SLC39A11: variants seen among roughly 807,000 people sequenced by gnomAD.
The protein encoded by SLC39A11 is solute carrier family 39 member 11, also known as zinc transporter ZIP11.
SLC39A11 carries 33 observed loss-of-function variants against 36.1 expected under a neutral mutation model. That is an observed-to-expected ratio of 0.91 (90% CI 0.69 to 1.22). The LOEUF (loss-of-function observed/expected upper bound fraction) is 1.22. Among genes scored for constraint, SLC39A11 ranks in the 50% most tolerant of loss-of-function variants. SLC39A11 has a pLI of 0.00. For missense variants in SLC39A11, 432 were observed against 430.3 expected, an observed-to-expected ratio of 1.00 and a Z score of -0.03; for synonymous variants, 166 against 170.3, an observed-to-expected ratio of 0.97 and a Z score of 0.20.
chr17:73,006,822 C>T (rs932118560), intron 4 of SLC39A11, among the ~76,000 whole-genome samples: 5 of 152,108 alleles, frequency 3.3e-5, no homozygotes, highest in African/African-American at 7.2e-5. Flanking sequence ...ATTTAGGAAG[C>T]GTTTATTGCG....
intron 5 of SLC39A11, among the ~76,000 whole-genome samples, chr17:72,938,385 C>T (rs1217248291): frequency 2.0e-5 from 3 of 152,190 alleles, no homozygotes; most frequent in Non-Finnish European, 4.4e-5. Context: ...CTTTCCTTCT[C>T]GAAGGCTGAC....
chr17:73,022,652 C>G (rs992890714), intron 4 of SLC39A11, among the ~76,000 whole-genome samples: 2 of 145,644 alleles, frequency 1.4e-5, no homozygotes, highest in Admixed American at 1.4e-4. Flanking sequence ...TAGGAAATTG[C>G]CTTCATCCCC....
chr17:72,999,702 T>C (rs893481828), intron 4 of SLC39A11, among the ~76,000 whole-genome samples: 7 of 152,118 alleles, frequency 4.6e-5, no homozygotes, highest in Non-Finnish European at 8.8e-5. Flanking sequence ...GGGCTGCAGA[T>C]GGTTTTCTTT....
rs147400933 is a variant in SLC39A11 at position 72,820,058 on chromosome 17, C to A, written c.601+29576G>T. Among the ~76,000 whole-genome samples, 3 of 151,302 alleles carry A rather than the reference C, an allele frequency of 2.0e-5. No homozygotes were observed. The East Asian group carries it at 5.8e-4, about 29-fold the overall frequency. ...ACAAAGGCTTCCTTCCGATTGACAA[C>A]GAGCACGCCAAAGCCAGAAAACAAG... On this transcript the variant is annotated intron_variant, in intron 6 of 9. Transcript: ENST00000255559.
chr17:72,935,478 G>T (rs991206885), intron 5 of SLC39A11, among the ~76,000 whole-genome samples: 1 of 152,152 alleles, frequency 6.6e-6, no homozygotes, highest in Non-Finnish European at 1.5e-5. Context: ...ACAGATCTGT[G>T]CATTTCTTAA....
At chr17:72,869,218 G>A (rs1214398245) in intron 5 of SLC39A11, among the ~76,000 whole-genome samples, 1 of 152,202 alleles carries the variant, frequency 6.6e-6, no homozygotes, top group Non-Finnish European at 1.5e-5. Context: ...GAAGCCCAGA[G>A]AACATCTGCT....
intron 6 of SLC39A11, among the ~76,000 whole-genome samples, chr17:72,833,442 A>C (rs1168448017): frequency 1.3e-5 from 2 of 152,244 alleles, no homozygotes; most frequent in East Asian, 3.8e-4. Flanking sequence ...TACACGATCA[A>C]TGTCTGTCAT....
At chr17:73,077,271 C>T (rs1230785735) in intron 3 of SLC39A11, among the ~76,000 whole-genome samples, 1 of 152,094 alleles carries the variant, frequency 6.6e-6, no homozygotes, top group Non-Finnish European at 1.5e-5. Context: ...CATCTGGGGA[C>T]CCACCAGGAG....
At chr17:72,873,220 G>A (rs184449990) in intron 5 of SLC39A11, among the ~76,000 whole-genome samples, 237 of 152,088 alleles carry the variant, frequency 1.6e-3, no homozygotes, top group African/African-American at 4.5e-3. Context: ...CTGATGGACC[G>A]GCTGGCACCA....
chr17:73,086,883 T>C (rs1004364840), intron 2 of SLC39A11, among the ~76,000 whole-genome samples: 2 of 151,104 alleles, frequency 1.3e-5, no homozygotes, highest in Non-Finnish European at 2.9e-5. Flanking sequence ...CGAAACCCCG[T>C]CTCTACTAAA....
chr17:72,672,599 G>A (rs2071070403), intron 7 of SLC39A11, among the ~76,000 whole-genome samples: 1 of 152,152 alleles, frequency 6.6e-6, no homozygotes, highest in Admixed American at 6.6e-5. Flanking sequence ...GTTTTTGTCT[G>A]TTTTTTAATT....
chr17:72,815,435 T>C (rs926596684), intron 6 of SLC39A11, among the ~76,000 whole-genome samples: 4 of 150,540 alleles, frequency 2.7e-5, no homozygotes, highest in Non-Finnish European at 4.4e-5. Flanking sequence ...ATGACCAATA[T>C]GGAGAAACCC....
chr17:72,750,103 G>A (rs1008732617), intron 6 of SLC39A11, among the ~76,000 whole-genome samples: 1 of 152,174 alleles, frequency 6.6e-6, no homozygotes, highest in Non-Finnish European at 1.5e-5. Flanking sequence ...GTGAACCTCT[G>A]CAGCAGGTGG....
chr17:72,729,447 ATATATATATATTTTTTTTTTT>A (rs2074115956), intron 7 of SLC39A11, among the ~76,000 whole-genome samples: 1 of 4,002 alleles, frequency 2.5e-4, no homozygotes, highest in African/African-American at 9.3e-4. Flanking sequence ...ATATATATAT[ATATATATATATTTTTTTTTTT>A]TTTTTTTTTT....
chr17:72,751,521 T>G (rs2075155714), intron 6 of SLC39A11, among the ~76,000 whole-genome samples: 1 of 152,210 alleles, frequency 6.6e-6, no homozygotes, highest in African/African-American at 2.4e-5. Flanking sequence ...AAGTGTACAT[T>G]CATTGGCATT....
At chr17:72,971,885 C>A (rs1361931924) in intron 4 of SLC39A11, among the ~76,000 whole-genome samples, 1 of 152,164 alleles carries the variant, frequency 6.6e-6, no homozygotes, top group African/African-American at 2.4e-5. Flanking sequence ...CTACAAAGCA[C>A]CTACGGTTTG....
At chr17:72,918,031 C>T (rs1389078623) in intron 5 of SLC39A11, among the ~76,000 whole-genome samples, 2 of 152,212 alleles carry the variant, frequency 1.3e-5, no homozygotes, top group African/African-American at 4.8e-5. Flanking sequence ...TGCAACCTAA[C>T]GAGCTGAACT....
At chr17:72,990,826 G>C (rs1022520721) in intron 4 of SLC39A11, among the ~76,000 whole-genome samples, 7 of 152,150 alleles carry the variant, frequency 4.6e-5, no homozygotes, top group Admixed American at 6.6e-5. Flanking sequence ...CTAAAGTTTA[G>C]GCTGCTTAAG....
intron 4 of SLC39A11, among the ~76,000 whole-genome samples, chr17:73,028,106 T>C (rs774208142): frequency 3.3e-5 from 5 of 152,162 alleles, no homozygotes; most frequent in South Asian, 2.1e-4. Flanking sequence ...ATCCGCTGAA[T>C]TGTGGGACTC....
Sources: gnomAD v4.1 joint callset for allele counts (sites outside exome capture counted in the v4.1 genomes callset) on GRCh38, gnomAD v4.1.1 for gene constraint, MANE v1.5 for transcripts, NCBI Gene and HGNC (gene_info 2026-07-23, HGNC 2026-07-21) for gene names.